Variants in GRID2 observed in about 807,000 individuals in gnomAD.
The protein encoded by GRID2 is glutamate receptor ionotropic, delta-2.
In GRID2, 33 loss-of-function variants were observed where a neutral mutation model predicts 114.8. The observed-to-expected ratio is 0.29, with a 90% CI of 0.22 to 0.38. The LOEUF (loss-of-function observed/expected upper bound fraction) is 0.38, where lower values mean the gene tolerates loss of function less well. GRID2 is among the 10% of genes least tolerant of loss of function. The pLI, the probability that GRID2 is intolerant of heterozygous loss-of-function variation, is 1.00. For synonymous variants in GRID2, 505 were observed against 449.9 expected, an observed-to-expected ratio of 1.12 and a Z score of -1.55; for missense variants, 1,184 against 1,257.7, an observed-to-expected ratio of 0.94 and a Z score of 0.89.
chr4:92,559,636 A>C (rs1367346208), intron 1 of GRID2, among the ~76,000 whole-genome samples: 2 of 152,208 alleles, frequency 1.3e-5, no homozygotes, highest in Non-Finnish European at 2.9e-5. Flanking sequence ...AGAGGGAAGA[A>C]AATCCCATTG....
chr4:93,514,422 T>TAGACACAC (rs746402238), intron 12 of GRID2, among the ~76,000 whole-genome samples: 1 of 139,662 alleles, frequency 7.2e-6, no homozygotes, highest in Admixed American at 7.3e-5. Flanking sequence ...ACCTCCACAG[T>TAGACACAC]ACACACACAC....
intron 8 of GRID2, among the ~76,000 whole-genome samples, chr4:93,244,436 G>A (rs562100057): frequency 1.7e-4 from 26 of 150,402 alleles, no homozygotes; most frequent in South Asian, 4.2e-4. Flanking sequence ...ACAACTTTGT[G>A]TTCTTGGGCA....
intron 8 of GRID2, among the ~76,000 whole-genome samples, chr4:93,309,773 A>G (rs1755817512): frequency 6.6e-6 from 1 of 152,150 alleles, no homozygotes; most frequent in African/African-American, 2.4e-5. Flanking sequence ...TTAAAGATTC[A>G]ATAAACAATC....
At chr4:92,491,469 C>T (rs1723143796) in intron 1 of GRID2, among the ~76,000 whole-genome samples, 1 of 152,130 alleles carries the variant, frequency 6.6e-6, no homozygotes, top group Non-Finnish European at 1.5e-5. Flanking sequence ...TTTATCACTT[C>T]CAAATTGTTT....
At chr4:93,443,725 C>A (rs1163319139) in intron 10 of GRID2, among the ~76,000 whole-genome samples, 1 of 151,694 alleles carries the variant, frequency 6.6e-6, no homozygotes, top group Non-Finnish European at 1.5e-5. Flanking sequence ...GGTCAGAGTG[C>A]CTGGCTAAGA....
chr4:93,437,603 C>T (rs558427664), intron 10 of GRID2, among the ~76,000 whole-genome samples: 1 of 152,004 alleles, frequency 6.6e-6, no homozygotes, highest in Non-Finnish European at 1.5e-5. Context: ...CTAAACTTCT[C>T]GAAATTCACA....
intron 1 of GRID2, among the ~76,000 whole-genome samples, chr4:92,436,614 T>C (rs1360736949): frequency 6.6e-6 from 1 of 152,150 alleles, no homozygotes; most frequent in East Asian, 1.9e-4. Flanking sequence ...TGCTATCTAC[T>C]AGAAGATTAT....
chr4:92,471,534 A>G (rs2149096066), intron 1 of GRID2, among the ~76,000 whole-genome samples: 1 of 152,194 alleles, frequency 6.6e-6, no homozygotes, highest in East Asian at 1.9e-4. Context: ...TTGCTTTTTA[A>G]CTCTAACTGT....
At chr4:92,941,946 A>C (rs978114054) in intron 2 of GRID2, among the ~76,000 whole-genome samples, 1 of 152,056 alleles carries the variant, frequency 6.6e-6, no homozygotes, top group Non-Finnish European at 1.5e-5. Context: ...GTTTGTTATA[A>C]TTTCTGTTCT....
At chr4:92,785,918 G>C (rs1414547618) in intron 2 of GRID2, among the ~76,000 whole-genome samples, 1 of 151,766 alleles carries the variant, frequency 6.6e-6, no homozygotes, top group Non-Finnish European at 1.5e-5. Context: ...TTTTGAAAAT[G>C]ACAGGGTTGG....
At chr4:92,523,144 T>TA (rs550535802) in intron 1 of GRID2, among the ~76,000 whole-genome samples, 106 of 152,032 alleles carry the variant, frequency 7.0e-4, no homozygotes, top group African/African-American at 2.4e-3. Context: ...ACTTTACAAG[T>TA]AAAAATCATC....
chr4:93,791,729 C>T (rs775352496), intron 1 of GRID2, among the ~76,000 whole-genome samples: 2 of 152,094 alleles, frequency 1.3e-5, no homozygotes, highest in Admixed American at 1.3e-4. Flanking sequence ...GGAAAGAAAA[C>T]ACGGGCCTCC....
chr4:93,781,300 T>C (rs1040119616), intron 1 of GRID2, among the ~76,000 whole-genome samples: 3 of 152,136 alleles, frequency 2.0e-5, no homozygotes, highest in Non-Finnish European at 4.4e-5. Flanking sequence ...CCAAGGGTTT[T>C]GCTCAAGATT....
intron 2 of GRID2, among the ~76,000 whole-genome samples, chr4:92,851,581 A>G (rs1177536014): frequency 5.3e-5 from 8 of 152,026 alleles, no homozygotes; most frequent in Non-Finnish European, 1.2e-4. Flanking sequence ...ATAATTATGT[A>G]GGTAATGTTT....
intron 4 of GRID2, among the ~76,000 whole-genome samples, chr4:93,179,309 CTG>C (rs1739661786): frequency 6.6e-6 from 1 of 152,152 alleles, no homozygotes. Flanking sequence ...TTCGTAGTAA[CTG>C]TATCTTTTCT....
chr4:92,914,424 T>C lies in GRID2; in HGVS notation c.245-170571T>C, dbSNP rs180934802. On this transcript the variant is annotated intron_variant, in intron 2 of 15. Transcript: ENST00000282020. ...CTAATCTTTGGAAATATAATTTTTTTACTTTTATTTCTGGTTTGGAGTGTA... is the reference window on the plus strand; with the variant it reads ...CTAATCTTTGGAAATATAATTTTTTCACTTTTATTTCTGGTTTGGAGTGTA... Among the ~76,000 whole-genome samples the C allele has an allele frequency of 4.5e-3, 690 of 152,278 alleles. 1 individual carries two copies. Among genetic ancestry groups the C allele is most frequent in the Non-Finnish European group, 7.5e-3 (513 of 68,016 alleles).
At chr4:92,880,771 G>C (rs901686174) in intron 2 of GRID2, among the ~76,000 whole-genome samples, 1 of 152,106 alleles carries the variant, frequency 6.6e-6, no homozygotes, top group African/African-American at 2.4e-5. Context: ...GCCCAGGCTG[G>C]AGTGCAATGA....
intron 2 of GRID2, among the ~76,000 whole-genome samples, chr4:92,756,970 T>C (rs1318675177): frequency 6.6e-6 from 1 of 152,138 alleles, no homozygotes; most frequent in Admixed American, 6.6e-5. Flanking sequence ...GTCCCATTTG[T>C]CTGTCTTCGT....
intron 9 of GRID2, among the ~76,000 whole-genome samples, chr4:93,409,177 A>G (rs576667401): frequency 2.0e-5 from 3 of 152,222 alleles, no homozygotes; most frequent in Admixed American, 1.3e-4. Context: ...AACTGATAAT[A>G]GACAGATTAA....
Sources: allele counts gnomAD v4.1 joint callset (sites outside exome capture counted in the v4.1 genomes callset), GRCh38; gene constraint gnomAD v4.1.1; transcripts MANE v1.5; gene names NCBI Gene and HGNC (gene_info 2026-07-23, HGNC 2026-07-21).